Variants in HEATR4 observed in about 807,000 individuals in gnomAD.
HEATR4 encodes HEAT repeat containing 4, also known as HEAT repeat-containing protein 4.
A neutral mutation model predicts 108.8 loss-of-function variants in HEATR4; 95 were observed. That is an observed-to-expected ratio of 0.87 (90% CI 0.74 to 1.04). The LOEUF is 1.04. Among genes scored for constraint, HEATR4 ranks in the 50% least tolerant of loss-of-function variants. HEATR4 has a pLI of 0.00. For missense variants in HEATR4, 1,152 were observed against 1,253.8 expected (o/e 0.92, Z 1.23); for synonymous variants, 443 against 459.4 (o/e 0.96, Z 0.46).
chr14:73,582,868 T>C, the HEATR4 span: 31 of 152,174 alleles, frequency 2.0e-4, no homozygotes, highest in African/African-American at 7.2e-4. Flanking sequence ...CCATTCTGCA[T>C]GTAACTTCCA....
the HEATR4 span, among the ~76,000 whole-genome samples, chr14:73,583,562 T>C: frequency 6.6e-6 from 1 of 151,976 alleles, no homozygotes; most frequent in Non-Finnish European, 1.5e-5. Flanking sequence ...AGTTACCACG[T>C]TGCCTCTCTA....
intron 17 of HEATR4, among the ~76,000 whole-genome samples, chr14:73,490,439 C>T (rs1566818561): frequency 6.6e-6 from 1 of 152,238 alleles, no homozygotes; most frequent in Admixed American, 6.5e-5. Flanking sequence ...CTCAGCCTCC[C>T]GAGTAGCCGG....
intron 16 of HEATR4, 75 bp downstream of exon 16, chr14:73,495,153 G>T: frequency 7.3e-7 from 1 of 1,362,646 alleles, no homozygotes; most frequent in Non-Finnish European, 1.0e-6. Context: ...TTGCTACTAA[G>T]TCCCAAAACA....
Position 73,532,045 on chromosome 14 carries a change from T to TA in HEATR4, c.-151-1802dup, listed in dbSNP as rs111448868. ...GAAGTGCAGTCTCAAAAAATAAAAA[T>TA]AAAAAAACCCTCTAGATGTATGCGG... On this transcript the variant is annotated intron_variant, in intron 1 of 17. Coordinates refer to ENST00000553558, the MANE Select transcript of HEATR4 (RefSeq NM_001220484.1). Among the ~76,000 whole-genome samples, 2 of 112,864 alleles carry TA rather than the reference T, an allele frequency of 1.8e-5. 1 individual carries two copies. Among genetic ancestry groups the TA allele is most frequent in the Non-Finnish European group, 3.8e-5 (2 of 51,952 alleles). The allele number at this position is 112,864 out of a possible 152,430, so 74.0% of individuals were successfully genotyped here.
rs1376568579 is a variant in HEATR4, at chr14:73,520,837, G to C, written c.1069+15C>G. On this transcript the variant is annotated intron_variant, in intron 4 of 17. Coordinates refer to ENST00000553558, the MANE Select transcript of HEATR4 (RefSeq NM_001220484.1). ...GTCCCCGTGTGCCCCTACCACAGGG[G>C]CCCAGCTCTATTACCAAAGTAAATC... The C allele has an allele frequency of 3.1e-6, 5 of 1,610,056 alleles. No homozygotes were observed. In the African/African-American group the frequency reaches 5.3e-5, roughly 17 times the overall value.
chr14:73,519,133 G>C lies in HEATR4; in HGVS notation c.1100C>G (p.Ala367Gly). ...DEVQIIHQIG[A>G]KRDQIVLENL... is the part of the protein sequence containing the mutation. ...TTCCAGGACAATCTGGTCTCTCTTT[G>C]CACCAATCTGGTGGATGATCTGGAC... The change falls in exon 5 of 18, where the codon GCA (alanine) becomes GGA (glycine). Residue 367 changes from alanine to glycine, a missense_variant. Coordinates refer to ENST00000553558, the MANE Select transcript of HEATR4 (RefSeq NM_001220484.1). 1 of 1,613,582 alleles carries C rather than the reference G, an allele frequency of 6.2e-7. No individual in the cohort carries two copies. The highest frequency in any genetic ancestry group is 8.5e-7 in the Non-Finnish European group (1 of 1,179,730).
the HEATR4 span, chr14:73,575,650 C>T: frequency 6.8e-7 from 1 of 1,471,804 alleles, no homozygotes; most frequent in African/African-American, 1.4e-5. Flanking sequence ...ATGAATTTAC[C>T]AGTAAGAATG....
At position 73,503,046 on chromosome 14, in the gene HEATR4, C is replaced by G. The variant is rs369712820; in HGVS notation, c.1987-33G>C. 1.1e-4 allele frequency: 171 copies of G among 1,497,306 alleles called. 2 individuals carry two copies. Among genetic ancestry groups the G allele is most frequent in the Non-Finnish European group, 5.9e-5 (63 of 1,076,302 alleles). The allele number at this position is 1,497,306 out of a possible 1,614,324, so 92.8% of individuals were successfully genotyped here. A position where few individuals can be genotyped will look rare whatever the true frequency, so the allele number is the denominator to read the frequency against. On this transcript the variant is annotated intron_variant, in intron 10 of 17. Transcript: ENST00000553558. ...TAGGTATGATCATTAGGTATCATCACTTAATGAATGTTAATTTTGTGCTTG... is the reference window on the plus strand; with the variant it reads ...TAGGTATGATCATTAGGTATCATCAGTTAATGAATGTTAATTTTGTGCTTG...
chr14:73,578,441 C>T, the HEATR4 span, among the ~76,000 whole-genome samples: 1 of 152,092 alleles, frequency 6.6e-6, no homozygotes, highest in East Asian at 1.9e-4. Context: ...GTTGCCCAGG[C>T]TGGTCTCAAA....
chr14:73,619,431 G>T, the HEATR4 span: 1 of 1,614,150 alleles, frequency 6.2e-7, no homozygotes, highest in Non-Finnish European at 8.5e-7. Context: ...AAATCACTAA[G>T]TCAGGATTTC....
intron 2 of HEATR4, among the ~76,000 whole-genome samples, chr14:73,525,313 G>T (rs1279911473): frequency 6.6e-6 from 1 of 152,182 alleles, no homozygotes; most frequent in Admixed American, 6.5e-5. Flanking sequence ...GATTACAGGT[G>T]TGAGCTACAG....
upstream of HEATR4, among the ~76,000 whole-genome samples, chr14:73,562,684 C>G (rs1174165187): frequency 4.6e-5 from 7 of 151,958 alleles, no homozygotes. Context: ...AACGGCCGCT[C>G]TGGGAATGTC....
the HEATR4 span, among the ~76,000 whole-genome samples, chr14:73,573,869 G>C: frequency 6.6e-6 from 1 of 151,984 alleles, no homozygotes; most frequent in African/African-American, 2.4e-5. Flanking sequence ...TGGGATTACA[G>C]GCACCTGCCA....
intron 5 of HEATR4, among the ~76,000 whole-genome samples, chr14:73,517,065 G>T (rs558250531): frequency 1.3e-5 from 2 of 152,246 alleles, no homozygotes; most frequent in South Asian, 4.2e-4. Flanking sequence ...AGGACCCCTT[G>T]TGGCCAGGAG....
In HEATR4 at chr14:73,502,949, G is replaced by C. The variant is rs1387116281; in HGVS notation, c.2051C>G (p.Ala684Gly). The C allele has an allele frequency of 6.2e-7, 1 of 1,614,064 alleles. No individual in the cohort carries two copies. The highest frequency in any genetic ancestry group is 1.1e-5 in the South Asian group (1 of 91,082). The change falls in exon 11 of 18, where the codon GCT becomes GGT. Residue 684 changes from alanine to glycine, a missense_variant. Physicochemically the swap from Ala to Gly is moderately conservative, Grantham distance 60. Transcript: ENST00000553558. ...NDWNKEVRRA[A>G]AQALGQMSLG... is the part of the protein sequence containing the mutation. ...GCTCATTTGCCCAAGCGCCTGTGCA[G>C]CTGCTCTCCTCACTTCCTTATTCCA...
In HEATR4 at chr14:73,495,484, G is replaced by T; in HGVS notation, c.2626-97C>A. 6.1e-6 allele frequency: 6 copies of T among 984,376 alleles called. No homozygotes were observed. The South Asian group carries it at 8.0e-5, about 13-fold the overall frequency. The allele number at this position is 984,376 out of a possible 1,614,324, so 61.0% of individuals were successfully genotyped here. On this transcript the variant is annotated intron_variant, in intron 15 of 17. Transcript: ENST00000553558. ...ATTAATAAAGTGATTGTAGGAGGCTGAGGAGGGAGGATCACTTGAGCCCAA... is the reference window on the plus strand; with the variant it reads ...ATTAATAAAGTGATTGTAGGAGGCTTAGGAGGGAGGATCACTTGAGCCCAA...
In HEATR4 at chr14:73,519,039, C is replaced by A; in HGVS notation, c.1194G>T (p.Gln398His). The A allele has an allele frequency of 3.1e-6, 5 of 1,613,292 alleles. No homozygotes were observed. Among genetic ancestry groups the A allele is most frequent in the Middle Eastern group, 1.7e-4 (1 of 6,030 alleles). Residue 398 changes from glutamine to histidine, a missense_variant, in exon 5 of 18, where the codon CAG (glutamine) becomes CAT (histidine). Transcript: ENST00000553558. ...CCTGCTTACATGCTTCAGGAATTGCCTGGGCACTCCACTTTTCTGGAGTTT... is the reference window on the plus strand; with the variant it reads ...CCTGCTTACATGCTTCAGGAATTGCATGGGCACTCCACTTTTCTGGAGTTT... ...FPETPEKWSA[Q>H]AIPEASYRPV...
At position 73,492,547 on chromosome 14, in the gene HEATR4, G is replaced by GC; in HGVS notation, c.2844+518dup. 1 of 1,613,800 alleles carries GC rather than the reference G, an allele frequency of 6.2e-7. No individual in the cohort carries two copies. Among genetic ancestry groups the GC allele is most frequent in the Non-Finnish European group, 8.5e-7 (1 of 1,179,814 alleles). ...CCAAAGACTTCATTCACGATTCTCTGCCCCCTGTTTTGACTGATAGGGAGA... is the reference window on the plus strand; with the variant it reads ...CCAAAGACTTCATTCACGATTCTCTGCCCCCCTGTTTTGACTGATAGGGAGA... On this transcript the variant is annotated intron_variant, in intron 17 of 17. Coordinates refer to ENST00000553558, the MANE Select transcript of HEATR4 (RefSeq NM_001220484.1). The surrounding 1 kb of genome is among the most constrained non-coding windows in gnomAD (Gnocchi z 4.9).
intron 17 of HEATR4, among the ~76,000 whole-genome samples, chr14:73,489,307 T>C (rs1885578388): frequency 6.6e-6 from 1 of 152,058 alleles, no homozygotes; most frequent in African/African-American, 2.4e-5. Context: ...TAACAGACCA[T>C]GTGAGAAATA....
Sources: allele counts gnomAD v4.1 joint callset (sites outside exome capture counted in the v4.1 genomes callset), GRCh38; gene constraint gnomAD v4.1.1; non-coding constraint Gnocchi (gnomAD v3.1); transcripts MANE v1.5; gene names NCBI Gene and HGNC (gene_info 2026-07-23, HGNC 2026-07-21).